The following PDE1A variants were observed in gnomAD, a reference collection of about 807,000 sequenced individuals.
PDE1A encodes the protein phosphodiesterase 1A.
A neutral mutation model predicts 61.7 loss-of-function variants in PDE1A; 35 were observed. That is an observed-to-expected ratio of 0.57 (90% confidence interval 0.43 to 0.75). The LOEUF (loss-of-function observed/expected upper bound fraction) is 0.75. Ranked by LOEUF, PDE1A falls within the 30% of genes least tolerant of loss-of-function variation. The pLI, the probability that PDE1A is intolerant of heterozygous loss-of-function variation, is 0.00. For synonymous variants in PDE1A, 232 were observed against 213.2 expected (o/e 1.09, Z -0.77); for missense variants, 597 against 630.6 (o/e 0.95, Z 0.57).
In PDE1A at chr2:182,365,256, C is replaced by T. The variant is rs191227239; in HGVS notation, c.53+61322G>A. The stretch of plus-strand genomic sequence containing the variant: ...ATGATGCCTGGCAAATGTGCAGTTG[C>T]AATCATCTTGCACATAAGTCACGGT... On this transcript the variant is annotated intron_variant, in intron 1 of 13. Transcript: ENST00000351439. Among the ~76,000 whole-genome samples the T allele has an allele frequency of 3.4e-4, 52 of 152,096 alleles. 1 individual carries two copies. The highest frequency in any genetic ancestry group is 3.4e-3 in the Middle Eastern group (1 of 294).
At chr2:182,355,572 T>A (rs985723030) in intron 1 of PDE1A, among the ~76,000 whole-genome samples, 3 of 152,074 alleles carry the variant, frequency 2.0e-5, no homozygotes, top group African/African-American at 7.2e-5. Context: ...TAGCTATTAT[T>A]ACAGCCAGAG....
chr2:182,591,279 C>A, the PDE1A span, among the ~76,000 whole-genome samples: 1 of 152,148 alleles, frequency 6.6e-6, no homozygotes, highest in Non-Finnish European at 1.5e-5. Flanking sequence ...AGTCTCAGAT[C>A]AAATTCTGTG....
the PDE1A span, among the ~76,000 whole-genome samples, chr2:182,588,537 G>A: frequency 6.6e-6 from 1 of 152,076 alleles, no homozygotes. Context: ...ATCACTGCAG[G>A]TCTTAAAAAT....
At chr2:182,317,477 G>C (rs2125975254) in intron 1 of PDE1A, among the ~76,000 whole-genome samples, 1 of 152,058 alleles carries the variant, frequency 6.6e-6, no homozygotes, top group South Asian at 2.1e-4. Flanking sequence ...CATTTTTACA[G>C]ACTAGAAATG....
exon 9 of PDE1A, chr2:182,201,785 G>C: frequency 6.3e-7 from 1 of 1,594,438 alleles, no homozygotes; most frequent in South Asian, 1.1e-5. Flanking sequence ...AGGTTCCGAA[G>C]ATCCCTGCAG....
intron 2 of PDE1A, among the ~76,000 whole-genome samples, chr2:182,455,663 A>G (rs964895607): frequency 2.0e-5 from 3 of 152,134 alleles, no homozygotes; most frequent in African/African-American, 7.2e-5. Flanking sequence ...AAGGACAAAA[A>G]ACCAAACACT....
chr2:182,522,622 C>T (rs1690639905), intron 1 of PDE1A: 6 of 1,278,064 alleles, frequency 4.7e-6, no homozygotes, highest in Non-Finnish European at 5.0e-6. Flanking sequence ...TCTGACCTCA[C>T]AAGAACAATC....
chr2:182,155,144 T>C (rs994292271), intron 13 of PDE1A, among the ~76,000 whole-genome samples: 44 of 147,224 alleles, frequency 3.0e-4, no homozygotes, highest in African/African-American at 9.7e-4. Flanking sequence ...TGGAGTGCAA[T>C]GGTGCCATCA....
chr2:182,354,690 T>C lies in PDE1A; in HGVS notation c.53+71888A>G, dbSNP rs148713799. The stretch of plus-strand genomic sequence containing the variant: ...TTTTTGATGGATAAAGGGGAAAAAT[T>C]AATGTAGCTTTTAAACACAGAAAAA... On this transcript the variant is annotated intron_variant, in intron 1 of 13. Coordinates refer to ENST00000351439, the Ensembl canonical transcript of PDE1A. Among the ~76,000 whole-genome samples the C allele has an allele frequency of 4.4e-3, 676 of 152,284 alleles. 2 individuals carry two copies. The highest frequency in any genetic ancestry group is 0.012 in the South Asian group (56 of 4,832).
the PDE1A span, among the ~76,000 whole-genome samples, chr2:182,670,380 G>A: frequency 7.9e-5 from 12 of 152,314 alleles, no homozygotes; most frequent in African/African-American, 2.6e-4. Flanking sequence ...CTCTACAACA[G>A]GGCAAGTAAA....
the PDE1A span, among the ~76,000 whole-genome samples, chr2:182,573,857 T>TTATATATACATATGTATATATATTAA: frequency 2.1e-3 from 309 of 144,154 alleles, 3 homozygotes; most frequent in African/African-American, 7.6e-3. Context: ...ATTTATATAT[T>TTATATATACATATGTATATATATTAA]TATATATACA....
intron 2 of PDE1A, among the ~76,000 whole-genome samples, chr2:182,478,342 A>G (rs1020382265): frequency 1.4e-5 from 2 of 141,300 alleles, no homozygotes; most frequent in African/African-American, 5.5e-5. Context: ...TATTCCTGCT[A>G]TGCAGAAAAA....
intron 13 of PDE1A, among the ~76,000 whole-genome samples, chr2:182,161,624 C>A (rs756715968): frequency 6.6e-6 from 1 of 152,100 alleles, no homozygotes; most frequent in Non-Finnish European, 1.5e-5. Flanking sequence ...CCTACCACCC[C>A]TCTTTGCTTC....
At chr2:182,224,429 C>T (rs1574069704) in intron 6 of PDE1A, among the ~76,000 whole-genome samples, 1 of 151,842 alleles carries the variant, frequency 6.6e-6, no homozygotes, top group Non-Finnish European at 1.5e-5. Flanking sequence ...AGAGAAAGTG[C>T]ACTTCATTTT....
At chr2:182,183,909 G>A (rs2125385885) in intron 13 of PDE1A, among the ~76,000 whole-genome samples, 1 of 151,036 alleles carries the variant, frequency 6.6e-6, no homozygotes, top group East Asian at 2.0e-4. Flanking sequence ...AGGTGGCAGA[G>A]AAAGAAACAG....
In PDE1A at chr2:182,176,343, T is replaced by C. The variant is rs1367784231; in HGVS notation, c.1517-8053A>G. Among the ~76,000 whole-genome samples, 52 of 149,660 alleles carry C rather than the reference T, an allele frequency of 3.5e-4. 1 individual carries two copies. Among genetic ancestry groups the C allele is most frequent in the Middle Eastern group, 3.4e-3 (1 of 294 alleles). ...CATGGAATGTTCTTCCATTTGTTTG[T>C]ATCCTCTTTTATTTCCTTGAGCAGT... On this transcript the variant is annotated intron_variant, in intron 13 of 13. Transcript: ENST00000351439.
At chr2:182,238,798 A>C (rs1322374846) in intron 3 of PDE1A, among the ~76,000 whole-genome samples, 2 of 152,242 alleles carry the variant, frequency 1.3e-5, no homozygotes, top group Non-Finnish European at 2.9e-5. Context: ...CATATGAAAA[A>C]ATTGAAATTT....
At chr2:182,267,701 TC>T (rs1282842896) in intron 1 of PDE1A, among the ~76,000 whole-genome samples, 2 of 152,120 alleles carry the variant, frequency 1.3e-5, no homozygotes, top group African/African-American at 4.8e-5. Flanking sequence ...ATCATCACTA[TC>T]CTAATTGCAA....
At chr2:182,651,519 T>C in the PDE1A span, among the ~76,000 whole-genome samples, 3 of 152,374 alleles carry the variant, frequency 2.0e-5, no homozygotes, top group African/African-American at 7.2e-5. Context: ...AAGATTTGTA[T>C]TGAAAATGTG....
Sources: allele counts gnomAD v4.1 joint callset (sites outside exome capture counted in the v4.1 genomes callset), GRCh38; gene constraint gnomAD v4.1.1; transcripts MANE v1.5; gene names NCBI Gene and HGNC (gene_info 2026-07-23, HGNC 2026-07-21).